CDHR3: variants seen among roughly 807,000 people sequenced by gnomAD.
CDHR3 encodes cadherin-related family member 3.
CDHR3 carries 79 observed loss-of-function variants against 86.6 expected under a neutral mutation model. That is an observed-to-expected ratio of 0.91 (90% CI 0.76 to 1.10). The LOEUF (loss-of-function observed/expected upper bound fraction) is 1.10, where lower values mean the gene tolerates loss of function less well. Ranked by LOEUF, CDHR3 falls within the 50% of genes least tolerant of loss-of-function variation. The pLI is 0.00. For synonymous variants in CDHR3, 421 were observed against 402.4 expected (o/e 1.05, Z -0.55); for missense variants, 1,081 against 1,077.6 (o/e 1.00, Z -0.04).
At position 106,034,807 on chromosome 7, in the gene CDHR3, G is replaced by A. The variant is rs1285326243; in HGVS notation, c.*2110G>A. 6.6e-6 allele frequency among the ~76,000 whole-genome samples: 1 copy of A among 152,236 alleles called. No homozygotes were observed. Among genetic ancestry groups the A allele is most frequent in the African/African-American group, 2.4e-5 (1 of 41,468 alleles). ...AGAATGATTAAAAGGGCCGGGTGAG[G>A]TGGCTCATGCCTGTAATCCCAGCAC... On this transcript the variant is annotated 3_prime_UTR_variant, in exon 19 of 19. Coordinates refer to ENST00000317716, the MANE Select transcript of CDHR3 (RefSeq NM_152750.5).
chr7:105,999,543 C>T (rs1403927114), intron 6 of CDHR3, among the ~76,000 whole-genome samples: 4 of 152,142 alleles, frequency 2.6e-5, no homozygotes, highest in Non-Finnish European at 5.9e-5. Context: ...TAGCTGTCTC[C>T]CCTAGTTGTG....
rs1176858449 is a variant in CDHR3, at chr7:106,013,186, C to T, written c.1224+155C>T. 3.3e-5 allele frequency among the ~76,000 whole-genome samples: 5 copies of T among 152,172 alleles called. No homozygotes were observed. The East Asian group carries it at 5.8e-4, about 18-fold the overall frequency. On this transcript the variant is annotated intron_variant, in intron 9 of 18. Coordinates refer to ENST00000317716, the MANE Select transcript of CDHR3 (RefSeq NM_152750.5). ...TAATAGTGAGTCTGTGTTCCCCATT[C>T]GCTCTTTATTTTACCCTGGTTCCAG... is the stretch of plus-strand genomic sequence containing the variant.
intron 3 of CDHR3, among the ~76,000 whole-genome samples, chr7:105,983,171 C>T (rs753901011): frequency 1.3e-5 from 2 of 152,086 alleles, no homozygotes; most frequent in South Asian, 2.1e-4. Context: ...CCCATGGAAA[C>T]GGAAGTTGCA....
At chr7:105,971,046 C>T (rs900417863) in intron 1 of CDHR3, among the ~76,000 whole-genome samples, 15 of 150,804 alleles carry the variant, frequency 9.9e-5, no homozygotes, top group African/African-American at 3.7e-4. Flanking sequence ...GAGGCTGAGG[C>T]AGGAGAATGG....
chr7:106,014,175 A>G (rs937636831), intron 9 of CDHR3, among the ~76,000 whole-genome samples: 1 of 151,986 alleles, frequency 6.6e-6, no homozygotes, highest in African/African-American at 2.4e-5. Context: ...GTCTCAGGCA[A>G]TCCTCCCACC....
At chr7:106,020,083 C>T (rs1024703196) in intron 12 of CDHR3, among the ~76,000 whole-genome samples, 5 of 152,130 alleles carry the variant, frequency 3.3e-5, no homozygotes, top group African/African-American at 1.2e-4. Flanking sequence ...ACTAAATGTG[C>T]ACACACACAT....
chr7:105,994,741 T>A lies in CDHR3; in HGVS notation c.514-10T>A. On this transcript the variant is annotated splice_polypyrimidine_tract_variant and intron_variant, in intron 4 of 18. Transcript: ENST00000317716. Reference sequence around the variant, plus strand: ...GCTGATTTCATCAATTTTTTTCCCTTGTTTTTTAGTATTTCCTGATTTCTC... The same window carrying A: ...GCTGATTTCATCAATTTTTTTCCCTAGTTTTTTAGTATTTCCTGATTTCTC... The A allele has an allele frequency of 6.3e-7, 1 of 1,599,990 alleles. No homozygotes were observed. The highest frequency in any genetic ancestry group is 8.5e-7 in the Non-Finnish European group (1 of 1,171,212).
chr7:106,025,133 G>T (rs1376683395), intron 15 of CDHR3, among the ~76,000 whole-genome samples: 1 of 152,020 alleles, frequency 6.6e-6, no homozygotes, highest in Non-Finnish European at 1.5e-5. Context: ...GCCTCTTATT[G>T]TGCCAATCTG....
chr7:106,010,846 G>A (rs907953522), intron 8 of CDHR3, among the ~76,000 whole-genome samples: 1 of 152,244 alleles, frequency 6.6e-6, no homozygotes, highest in African/African-American at 2.4e-5. Flanking sequence ...CTGAGTGAAG[G>A]AAAGAGGGAG....
chr7:105,986,811 T>A (rs535436036), intron 4 of CDHR3, among the ~76,000 whole-genome samples: 10 of 152,310 alleles, frequency 6.6e-5, no homozygotes, highest in African/African-American at 2.4e-4. Context: ...AGAGAATTCC[T>A]TTATGATCAT....
At position 106,018,951 on chromosome 7, in the gene CDHR3, C is replaced by T. The variant is rs960699134; in HGVS notation, c.1653+879C>T. ...TCCAAGTGGGGCGGCGCTGCTGGTCCCCTGCCACACCTCGAGTTGCAGGGA... is the reference window on the plus strand; with the variant it reads ...TCCAAGTGGGGCGGCGCTGCTGGTCTCCTGCCACACCTCGAGTTGCAGGGA... On this transcript the variant is annotated intron_variant, in intron 12 of 18. Coordinates refer to ENST00000317716, the MANE Select transcript of CDHR3 (RefSeq NM_152750.5). Among the ~76,000 whole-genome samples, 10 of 152,080 alleles carry T rather than the reference C, an allele frequency of 6.6e-5. 1 individual carries two copies. Among genetic ancestry groups the T allele is most frequent in the Non-Finnish European group, 1.5e-4 (10 of 68,018 alleles).
At chr7:106,009,385 C>T (rs1834422222) in intron 8 of CDHR3, among the ~76,000 whole-genome samples, 1 of 152,192 alleles carries the variant, frequency 6.6e-6, no homozygotes, top group African/African-American at 2.4e-5. Context: ...CCTGCAGCAC[C>T]CGCCATCCTC....
At chr7:105,975,729 G>T (rs556059954) in intron 2 of CDHR3, among the ~76,000 whole-genome samples, 1 of 152,218 alleles carries the variant, frequency 6.6e-6, no homozygotes, top group African/African-American at 2.4e-5. Context: ...TGTCTTTAGG[G>T]TCCCATGTCT....
At position 106,033,603 on chromosome 7, in the gene CDHR3, G is replaced by C. The variant is rs1838669360; in HGVS notation, c.*906G>C. The C allele has an allele frequency of 6.6e-6, 1 of 152,120 alleles. No homozygotes were observed. Among genetic ancestry groups the C allele is most frequent in the Non-Finnish European group, 1.5e-5 (1 of 68,042 alleles). 9.4% of individuals were successfully genotyped at this position (152,120 alleles called of 1,614,324 possible). A position where few individuals can be genotyped will look rare whatever the true frequency, so the allele number is the denominator to read the frequency against. On this transcript the variant is annotated 3_prime_UTR_variant, in exon 19 of 19. Coordinates refer to ENST00000317716, the MANE Select transcript of CDHR3 (RefSeq NM_152750.5). ...AAAAATACAAAAATTAGCTTGGTGT[G>C]GTGGTGGGCACATGTAATCCCAGCT...
chr7:105,980,172 G>T (rs940446991), intron 2 of CDHR3, among the ~76,000 whole-genome samples: 1 of 152,208 alleles, frequency 6.6e-6, no homozygotes, highest in Non-Finnish European at 1.5e-5. Context: ...TTCATCTCTT[G>T]TTTATTTTTG....
chr7:106,009,241 G>A (rs563245546), intron 8 of CDHR3, among the ~76,000 whole-genome samples: 1 of 152,206 alleles, frequency 6.6e-6, no homozygotes, highest in African/African-American at 2.4e-5. Flanking sequence ...CCCTATGAAC[G>A]CCAAGATGTG....
In CDHR3 at chr7:106,028,543, C is replaced by A; in HGVS notation, c.2273-8C>A. On this transcript the variant is annotated splice_region_variant and splice_polypyrimidine_tract_variant and intron_variant, in intron 16 of 18. Coordinates refer to ENST00000317716, the MANE Select transcript of CDHR3 (RefSeq NM_152750.5). ...AAGCTTAACTTCTGCCTGTTCTGTT[C>A]TCTGCAGAAACGAAGACTGCAGAGA... 1 of 1,613,950 alleles carries A rather than the reference C, an allele frequency of 6.2e-7. No homozygotes were observed. Among genetic ancestry groups the A allele is most frequent in the Non-Finnish European group, 8.5e-7 (1 of 1,179,864 alleles).
In CDHR3 at chr7:106,022,404, A is replaced by G. The variant is rs754289115; in HGVS notation, c.2032A>G (p.Lys678Glu). Reference sequence around the variant, plus strand: ...GACAGGAACAGTGACACTGAGTATTAAAGTCATTCCCCACCCAACCACTAT... The same window carrying G: ...GACAGGAACAGTGACACTGAGTATTGAAGTCATTCCCCACCCAACCACTAT... ...VETGTVTLSI[K>E]VIPHPTTIIT... Residue 678 changes from lysine (K) to glutamate (E), a missense_variant, in exon 14 of 19, where the codon AAA becomes GAA. Coordinates refer to ENST00000317716, the MANE Select transcript of CDHR3 (RefSeq NM_152750.5). 1 of 1,614,026 alleles carries G rather than the reference A, an allele frequency of 6.2e-7. No homozygotes were observed. Among genetic ancestry groups the G allele is most frequent in the Non-Finnish European group, 8.5e-7 (1 of 1,179,892 alleles).
chr7:106,005,135 A>T (rs1833773052), intron 8 of CDHR3, among the ~76,000 whole-genome samples: 1 of 152,236 alleles, frequency 6.6e-6, no homozygotes, highest in Admixed American at 6.5e-5. Flanking sequence ...CACCAGCCAG[A>T]TGAATAAATC....
Sources: gnomAD v4.1 joint callset for allele counts (sites outside exome capture counted in the v4.1 genomes callset) on GRCh38, gnomAD v4.1.1 for gene constraint, MANE v1.5 for transcripts, NCBI Gene and HGNC (gene_info 2026-07-23, HGNC 2026-07-21) for gene names.